The following PDE4D variants were observed in gnomAD, a reference collection of about 807,000 sequenced individuals.
PDE4D encodes the protein phosphodiesterase 4D.
Under a neutral mutation model 87.4 loss-of-function variants are expected in PDE4D, and 24 were observed. The observed-to-expected ratio is 0.27, with a 90% CI of 0.20 to 0.39. The LOEUF (loss-of-function observed/expected upper bound fraction) is 0.39. Among genes scored for constraint, PDE4D ranks in the 10% least tolerant of loss-of-function variants. PDE4D has a pLI of 1.00. For synonymous variants in PDE4D, 384 were observed against 383.2 expected (o/e 1.00, Z -0.02); for missense variants, 714 against 1,041.0 (o/e 0.69, Z 4.32).
chr5:59,702,493 T>G (rs1404395055), intron 1 of PDE4D, among the ~76,000 whole-genome samples: 1 of 152,066 alleles, frequency 6.6e-6, no homozygotes, highest in Non-Finnish European at 1.5e-5. Context: ...AGGAAAGAGT[T>G]CAGTGAGCCG....
intron 1 of PDE4D, among the ~76,000 whole-genome samples, chr5:60,371,134 C>A (rs1365210103): frequency 2.0e-5 from 3 of 152,174 alleles, no homozygotes; most frequent in African/African-American, 7.2e-5. Flanking sequence ...TAAACAAGGT[C>A]AAGAAGTGAG....
intron 1 of PDE4D, among the ~76,000 whole-genome samples, chr5:59,338,793 T>C (rs1778195300): frequency 6.6e-6 from 1 of 152,216 alleles, no homozygotes; most frequent in Admixed American, 6.5e-5. Context: ...GCTTTTTTAC[T>C]TAAATTCCTA....
intron 5 of PDE4D, among the ~76,000 whole-genome samples, chr5:59,053,661 G>GTTTTTTTT (rs1223091433): frequency 2.2e-5 from 2 of 89,842 alleles, no homozygotes; most frequent in East Asian, 5.6e-4. Flanking sequence ...TTTTGTTGTT[G>GTTTTTTTT]TTTTTTTTTT....
chr5:60,492,123 TTA>T, upstream of PDE4D, among the ~76,000 whole-genome samples: 1 of 142,918 alleles, frequency 7.0e-6, no homozygotes. Context: ...TAAAGTATAA[TTA>T]AAAAAAAAAA....
intron 2 of PDE4D, among the ~76,000 whole-genome samples, chr5:60,042,955 T>C (rs1322773348): frequency 6.6e-6 from 1 of 151,992 alleles, no homozygotes; most frequent in Non-Finnish European, 1.5e-5. Context: ...TTTGACAAAT[T>C]GACAGAAGTA....
intron 1 of PDE4D, among the ~76,000 whole-genome samples, chr5:60,425,520 A>G (rs976655868): frequency 3.3e-5 from 5 of 152,192 alleles, no homozygotes; most frequent in Admixed American, 1.3e-4. Flanking sequence ...TACACCTTAT[A>G]CAAAAATTAA....
chr5:60,488,103 A>T (rs538054973), upstream of PDE4D: 3 of 152,780 alleles, frequency 2.0e-5, no homozygotes, highest in South Asian at 6.2e-4. Flanking sequence ...TAATCTATGA[A>T]ACTGAGCTCC....
At chr5:59,232,056 T>C (rs1755330339) in intron 1 of PDE4D, among the ~76,000 whole-genome samples, 2 of 152,182 alleles carry the variant, frequency 1.3e-5, no homozygotes, top group South Asian at 4.1e-4. Flanking sequence ...TAACAAACAC[T>C]CAGGATTTAC....
intron 1 of PDE4D, among the ~76,000 whole-genome samples, chr5:59,845,269 C>A (rs1395066816): frequency 6.6e-6 from 1 of 152,072 alleles, no homozygotes; most frequent in African/African-American, 2.4e-5. Flanking sequence ...AATAGAAAAC[C>A]AATGCATTCC....
intron 5 of PDE4D, among the ~76,000 whole-genome samples, chr5:59,170,216 C>T (rs1455331927): frequency 3.3e-5 from 5 of 152,086 alleles, no homozygotes; most frequent in Non-Finnish European, 5.9e-5. Flanking sequence ...ATGGAGGTCT[C>T]ACTGTGTTTC....
intron 3 of PDE4D, among the ~76,000 whole-genome samples, chr5:59,931,482 A>T (rs1581787350): frequency 1.3e-5 from 2 of 152,046 alleles, no homozygotes; most frequent in South Asian, 4.2e-4. Context: ...GCTGGTGGGG[A>T]CCCTCCACAG....
chr5:59,689,966 AATT>A (rs1750625799), intron 1 of PDE4D, among the ~76,000 whole-genome samples: 1 of 152,200 alleles, frequency 6.6e-6, no homozygotes, highest in African/African-American at 2.4e-5. Flanking sequence ...TCCAATTCAC[AATT>A]GCTTCAAAGA....
At chr5:60,350,511 G>A (rs1759088136) in intron 1 of PDE4D, among the ~76,000 whole-genome samples, 1 of 152,112 alleles carries the variant, frequency 6.6e-6, no homozygotes, top group African/African-American at 2.4e-5. Context: ...GATGCTTACA[G>A]GTATTCAGCA....
chr5:59,059,706 A>C (rs1762854002), intron 5 of PDE4D, among the ~76,000 whole-genome samples: 1 of 152,208 alleles, frequency 6.6e-6, no homozygotes, highest in Non-Finnish European at 1.5e-5. Flanking sequence ...TACCTAGGGC[A>C]GGTAAAATAT....
chr5:60,123,993 C>T (rs1004662573), intron 2 of PDE4D, among the ~76,000 whole-genome samples: 4 of 152,032 alleles, frequency 2.6e-5, no homozygotes, highest in South Asian at 2.1e-4. Flanking sequence ...TACAAATGGT[C>T]GCATTTTCAA....
At chr5:60,137,079 C>T (rs1482702490) in intron 2 of PDE4D, among the ~76,000 whole-genome samples, 1 of 152,154 alleles carries the variant, frequency 6.6e-6, no homozygotes, top group Admixed American at 6.6e-5. Flanking sequence ...TCTGTTCCTA[C>T]ATTAATTTGC....
chr5:59,984,801 G>A (rs944306428), intron 3 of PDE4D, among the ~76,000 whole-genome samples: 1 of 152,070 alleles, frequency 6.6e-6, no homozygotes, highest in Non-Finnish European at 1.5e-5. Context: ...CCTGACACTT[G>A]ACAAAGAAAG....
At chr5:60,139,717 A>G (rs2149416184) in intron 2 of PDE4D, among the ~76,000 whole-genome samples, 1 of 152,194 alleles carries the variant, frequency 6.6e-6, no homozygotes, top group Non-Finnish European at 1.5e-5. Flanking sequence ...CTCAAACTAT[A>G]AGATACTGAG....
At chr5:59,323,460 A>G (rs1394144916) in intron 1 of PDE4D, among the ~76,000 whole-genome samples, 1 of 152,060 alleles carries the variant, frequency 6.6e-6, no homozygotes, top group South Asian at 2.1e-4. Context: ...ATTAGTTACA[A>G]TTTAAATTAA....
Sources: gnomAD v4.1 joint callset for allele counts (sites outside exome capture counted in the v4.1 genomes callset) on GRCh38, gnomAD v4.1.1 for gene constraint, MANE v1.5 for transcripts, NCBI Gene and HGNC (gene_info 2026-07-23, HGNC 2026-07-21) for gene names.